Variants in MAP2K6 observed in about 807,000 individuals in gnomAD.
MAP2K6 encodes dual specificity mitogen-activated protein kinase kinase 6.
A neutral mutation model predicts 53.7 loss-of-function variants in MAP2K6; 16 were observed. The ratio of observed to expected loss-of-function variants is 0.30; its 90% CI spans 0.20 to 0.45. MAP2K6 has a LOEUF of 0.45. Ranked by LOEUF, MAP2K6 falls within the 20% of genes least tolerant of loss-of-function variation. MAP2K6 has a pLI of 1.00. For missense variants in MAP2K6, 204 were observed against 411.9 expected (o/e 0.50, Z 4.37); for synonymous variants, 132 against 143.1 (o/e 0.92, Z 0.55).
intron 1 of MAP2K6, among the ~76,000 whole-genome samples, chr17:69,465,436 T>C (rs575951645): frequency 3.3e-5 from 5 of 152,192 alleles, no homozygotes; most frequent in African/African-American, 1.2e-4. Flanking sequence ...TGCTTTAAGA[T>C]TCCCAGTGTA....
intron 1 of MAP2K6, among the ~76,000 whole-genome samples, chr17:69,419,569 G>GT (rs1457789522): frequency 6.6e-6 from 1 of 152,040 alleles, no homozygotes; most frequent in African/African-American, 2.4e-5. Context: ...GCATTTTTCA[G>GT]TTTTTTTGAC....
chr17:69,432,004 C>T (rs1157108751), intron 1 of MAP2K6, among the ~76,000 whole-genome samples: 2 of 152,178 alleles, frequency 1.3e-5, no homozygotes, highest in African/African-American at 4.8e-5. Context: ...GCATTAACCC[C>T]ATGGCTCACT....
intron 11 of MAP2K6, among the ~76,000 whole-genome samples, chr17:69,539,488 C>T (rs942796018): frequency 6.6e-5 from 10 of 152,194 alleles, no homozygotes; most frequent in African/African-American, 2.2e-4. Context: ...TCAAAACCCA[C>T]ACAAGAAGGC....
At chr17:69,437,796 C>A (rs188739135) in intron 1 of MAP2K6, among the ~76,000 whole-genome samples, 3 of 152,220 alleles carry the variant, frequency 2.0e-5, no homozygotes, top group Admixed American at 2.0e-4. Flanking sequence ...TTTGGATTCA[C>A]CTATTCTAGA....
At chr17:69,498,464 G>A (rs1303789892) in intron 1 of MAP2K6, among the ~76,000 whole-genome samples, 1 of 152,054 alleles carries the variant, frequency 6.6e-6, no homozygotes, top group Non-Finnish European at 1.5e-5. Flanking sequence ...GAGAGACCTG[G>A]ACAAAAGGGC....
rs978315776 is a variant in MAP2K6 at position 69,546,570 on chromosome 17, G to A, written c.*4817G>A. On this transcript the variant is annotated 3_prime_UTR_variant, in exon 12 of 12. Transcript: ENST00000590474. ...GTCTAACAAAACACTTTTTTCTTTG[G>A]CCTGAAAGGACAATGGATACCTAGT... 3 of 151,978 alleles carry A rather than the reference G, an allele frequency of 2.0e-5. No individual in the cohort carries two copies. Among genetic ancestry groups the A allele is most frequent in the Non-Finnish European group, 4.4e-5 (3 of 68,006 alleles). The allele number at this position is 151,978 out of a possible 1,614,324, so 9.4% of individuals were successfully genotyped here. A position where few individuals can be genotyped will look rare whatever the true frequency, so the allele number is the denominator to read the frequency against.
chr17:69,515,242 C>T (rs556316045), intron 2 of MAP2K6, among the ~76,000 whole-genome samples: 3 of 151,716 alleles, frequency 2.0e-5, no homozygotes, highest in Admixed American at 6.6e-5. Flanking sequence ...CTGCAACCTC[C>T]GCCTTCCGGG....
At chr17:69,516,825 GT>G (rs771095136) in intron 2 of MAP2K6, 29 bp from the exon 3 acceptor site, 1 of 1,529,482 alleles carries the variant, frequency 6.5e-7, no homozygotes, top group South Asian at 1.1e-5. Flanking sequence ...AATAGCTTAT[GT>G]TTCTTCTTTT....
At chr17:69,508,496 T>G (rs910800351) in intron 2 of MAP2K6, among the ~76,000 whole-genome samples, 18 of 152,368 alleles carry the variant, frequency 1.2e-4, no homozygotes, top group African/African-American at 3.8e-4. Context: ...TCTAATTAGA[T>G]ACTTTTTATT....
At chr17:69,500,447 C>T (rs1379173758) in intron 1 of MAP2K6, among the ~76,000 whole-genome samples, 4 of 57,620 alleles carry the variant, frequency 6.9e-5, no homozygotes, top group East Asian at 4.6e-4. Context: ...GACTCTGTCT[C>T]AAAAAAAAAA....
chr17:69,443,189 C>T (rs2145150140), intron 1 of MAP2K6, among the ~76,000 whole-genome samples: 1 of 152,206 alleles, frequency 6.6e-6, no homozygotes, highest in South Asian at 2.1e-4. Flanking sequence ...ATGTCCATTT[C>T]CCCTCCTTCC....
intron 1 of MAP2K6, among the ~76,000 whole-genome samples, chr17:69,498,650 C>CCACACACA (rs3222089): frequency 0.038 from 5,569 of 145,432 alleles, 196 homozygotes; most frequent in African/African-American, 0.086. Flanking sequence ...CACCTGGAAG[C>CCACACACA]CACACACACA....
rs553944475 is a variant in MAP2K6 at position 69,543,020 on chromosome 17, T to C, written c.*1267T>C. On this transcript the variant is annotated 3_prime_UTR_variant, in exon 12 of 12. Coordinates refer to ENST00000590474, the MANE Select transcript of MAP2K6 (RefSeq NM_002758.4). ...AGCAGCGTGCAATAGCTGGCTCCTC[T>C]ATAGGAGATGAGCTTCATTGGGAGT... The C allele has an allele frequency of 2.6e-5, 4 of 152,308 alleles. No individual in the cohort carries two copies. Among genetic ancestry groups the C allele is most frequent in the African/African-American group, 9.6e-5 (4 of 41,562 alleles). The allele number at this position is 152,308 out of a possible 1,614,324, so 9.4% of individuals were successfully genotyped here.
intron 10 of MAP2K6, among the ~76,000 whole-genome samples, chr17:69,528,628 G>A (rs548682131): frequency 6.6e-6 from 1 of 152,124 alleles, no homozygotes; most frequent in South Asian, 2.1e-4. Context: ...GGAGGCCAAG[G>A]TGGGCGGATC....
At chr17:69,491,803 C>T (rs932443213) in intron 1 of MAP2K6, among the ~76,000 whole-genome samples, 4 of 151,344 alleles carry the variant, frequency 2.6e-5, no homozygotes, top group African/African-American at 9.7e-5. Flanking sequence ...TGTTATTTCA[C>T]CGTGGTTTTG....
intron 1 of MAP2K6, among the ~76,000 whole-genome samples, chr17:69,450,433 C>A (rs1475910325): frequency 6.6e-6 from 1 of 152,184 alleles, no homozygotes; most frequent in Non-Finnish European, 1.5e-5. Flanking sequence ...GATGGTGCAC[C>A]TGCACCCTCC....
intron 1 of MAP2K6, among the ~76,000 whole-genome samples, chr17:69,459,194 A>G (rs929144636): frequency 6.6e-5 from 10 of 152,162 alleles, no homozygotes; most frequent in African/African-American, 2.4e-4. Context: ...TAGTTATTTT[A>G]ATTTCTAATT....
intron 1 of MAP2K6, among the ~76,000 whole-genome samples, chr17:69,426,468 A>C (rs1906279327): frequency 6.6e-6 from 1 of 152,234 alleles, no homozygotes; most frequent in Non-Finnish European, 1.5e-5. Context: ...ACTTTGCTAT[A>C]GTACTCTCTC....
chr17:69,536,012 T>C (rs759628697), intron 10 of MAP2K6, 103 bp from the exon 11 acceptor site: 23 of 758,082 alleles, frequency 3.0e-5, no homozygotes, highest in Non-Finnish European at 4.8e-5. Context: ...TTCAATACAC[T>C]TTTAAAGCTG....
Sources: allele counts gnomAD v4.1 joint callset (sites outside exome capture counted in the v4.1 genomes callset), GRCh38; gene constraint gnomAD v4.1.1; transcripts MANE v1.5; gene names NCBI Gene and HGNC (gene_info 2026-07-23, HGNC 2026-07-21).